Variants in PDE1A observed in about 807,000 individuals in gnomAD.
PDE1A encodes dual specificity calcium/calmodulin-dependent 3',5'-cyclic nucleotide phosphodiesterase 1A.
A neutral mutation model predicts 61.7 loss-of-function variants in PDE1A; 35 were observed. The ratio of observed to expected loss-of-function variants is 0.57; its 90% CI spans 0.43 to 0.75. The LOEUF (loss-of-function observed/expected upper bound fraction) is 0.75. Among genes scored for constraint, PDE1A ranks in the 30% least tolerant of loss-of-function variants. The pLI, the probability that PDE1A is intolerant of heterozygous loss-of-function variation, is 0.00. For synonymous variants in PDE1A, 232 were observed against 213.2 expected, an observed-to-expected ratio of 1.09 and a Z score of -0.77; for missense variants, 597 against 630.6, an observed-to-expected ratio of 0.95 and a Z score of 0.57.
chr2:182,214,588 A>G (rs1405207250), intron 7 of PDE1A, among the ~76,000 whole-genome samples: 5 of 151,472 alleles, frequency 3.3e-5, no homozygotes, highest in Admixed American at 6.6e-5. Context: ...AGCCAATGGA[A>G]AACAAAAAAA....
chr2:182,485,158 A>C (rs762254351), intron 2 of PDE1A, among the ~76,000 whole-genome samples: 1 of 152,192 alleles, frequency 6.6e-6, no homozygotes, highest in African/African-American at 2.4e-5. Context: ...AATGTGGTAC[A>C]TATACACCAT....
At chr2:182,588,378 A>G in the PDE1A span, among the ~76,000 whole-genome samples, 1 of 152,202 alleles carries the variant, frequency 6.6e-6, no homozygotes, top group Non-Finnish European at 1.5e-5. Context: ...AGGTGAACAA[A>G]AAGTTCCTGT....
At chr2:182,508,344 T>C (rs529698321) in intron 2 of PDE1A, among the ~76,000 whole-genome samples, 4 of 151,896 alleles carry the variant, frequency 2.6e-5, no homozygotes, top group African/African-American at 9.7e-5. Flanking sequence ...AGGTGCCCAC[T>C]TTCACCACTT....
At chr2:182,588,131 G>A in the PDE1A span, among the ~76,000 whole-genome samples, 1 of 152,170 alleles carries the variant, frequency 6.6e-6, no homozygotes, top group African/African-American at 2.4e-5. Context: ...CCAAAGCTTT[G>A]TGGAATATGT....
At chr2:182,416,587 T>C (rs557772250) in intron 1 of PDE1A, among the ~76,000 whole-genome samples, 2 of 152,232 alleles carry the variant, frequency 1.3e-5, no homozygotes, top group East Asian at 3.9e-4. Flanking sequence ...ATGTTAACTA[T>C]GGAGAAGTTT....
At chr2:182,516,508 C>T (rs569595788) in intron 2 of PDE1A, among the ~76,000 whole-genome samples, 1 of 151,928 alleles carries the variant, frequency 6.6e-6, no homozygotes, top group African/African-American at 2.4e-5. Context: ...AAAAAATTAG[C>T]CAGGTGTGGT....
At chr2:182,218,024 G>A (rs1327582170) in intron 7 of PDE1A, among the ~76,000 whole-genome samples, 2 of 148,974 alleles carry the variant, frequency 1.3e-5, no homozygotes, top group East Asian at 4.0e-4. Context: ...CAACCCAAAT[G>A]TCCAACAATG....
intron 1 of PDE1A, among the ~76,000 whole-genome samples, chr2:182,411,447 A>G (rs967583256): frequency 6.6e-6 from 1 of 152,170 alleles, no homozygotes; most frequent in Admixed American, 6.5e-5. Flanking sequence ...GTTATTATGA[A>G]TAGTGCCTCT....
At chr2:182,606,942 A>G in the PDE1A span, among the ~76,000 whole-genome samples, 1 of 152,202 alleles carries the variant, frequency 6.6e-6, no homozygotes, top group Non-Finnish European at 1.5e-5. Flanking sequence ...AAGTATTGCC[A>G]GAGAAGAAGG....
intron 1 of PDE1A, among the ~76,000 whole-genome samples, chr2:182,357,669 A>G (rs1324353618): frequency 3.9e-5 from 6 of 152,224 alleles, no homozygotes; most frequent in African/African-American, 1.4e-4. Flanking sequence ...AGCAGGAATA[A>G]TTAACATTAG....
chr2:182,650,889 C>T, the PDE1A span, among the ~76,000 whole-genome samples: 1 of 152,218 alleles, frequency 6.6e-6, no homozygotes, highest in Non-Finnish European at 1.5e-5. Flanking sequence ...GAAGTATTCA[C>T]AATGACTTTT....
the PDE1A span, among the ~76,000 whole-genome samples, chr2:182,540,064 A>G: frequency 7.2e-5 from 11 of 152,184 alleles, no homozygotes; most frequent in Admixed American, 7.2e-4. Flanking sequence ...CAAATCATTT[A>G]TTGAAAGAAG....
intron 2 of PDE1A, among the ~76,000 whole-genome samples, chr2:182,448,893 C>T (rs1026904331): frequency 6.6e-6 from 1 of 151,980 alleles, no homozygotes; most frequent in Admixed American, 6.6e-5. Flanking sequence ...TCTGGGGAAA[C>T]TGAGACCACA....
rs55747252 is a variant in PDE1A at position 182,206,184 on chromosome 2, G to A, written c.777-119C>T. ...AAAACATCCTATAATTGAACAGTGA[G>A]AATTATGGAAGTACTTAGTTTCTTT... On this transcript the variant is annotated intron_variant, in intron 7 of 13. Coordinates refer to ENST00000351439, the Ensembl canonical transcript of PDE1A. The A allele has an allele frequency of 0.32, 197,778 of 625,222 alleles. 33,059 individuals carry two copies. The highest frequency in any genetic ancestry group is 0.34 in the Non-Finnish European group (132,577 of 391,182). The allele number at this position is 625,222 out of a possible 1,614,324, so 38.7% of individuals were successfully genotyped here.
downstream of PDE1A, among the ~76,000 whole-genome samples, chr2:182,146,127 A>G (rs930116705): frequency 3.3e-5 from 5 of 152,162 alleles, no homozygotes; most frequent in African/African-American, 1.2e-4. Flanking sequence ...AACTGCCCAT[A>G]TCTCCGCCAT....
chr2:182,145,839 C>T (rs1208254665), downstream of PDE1A, among the ~76,000 whole-genome samples: 1 of 152,172 alleles, frequency 6.6e-6, no homozygotes, highest in Non-Finnish European at 1.5e-5. Context: ...GAATAAAAGA[C>T]AGTCTAACAA....
the PDE1A span, among the ~76,000 whole-genome samples, chr2:182,558,210 A>T: frequency 6.6e-6 from 1 of 151,184 alleles, no homozygotes; most frequent in Non-Finnish European, 1.5e-5. Context: ...TCTCAAAGAA[A>T]CATTACAACA....
At chr2:182,456,302 A>G (rs191467654) in intron 2 of PDE1A, among the ~76,000 whole-genome samples, 131 of 152,154 alleles carry the variant, frequency 8.6e-4, no homozygotes, top group Non-Finnish European at 1.3e-3. Flanking sequence ...TAGGGGCAGC[A>G]ATACGGATCT....
At chr2:182,516,696 GGAAGGGA>G (rs1690177915) in intron 2 of PDE1A, among the ~76,000 whole-genome samples, 1 of 99,620 alleles carries the variant, frequency 1.0e-5, no homozygotes, top group African/African-American at 4.3e-5. Context: ...AGGGAAGGGA[GGAAGGGA>G]GGAAGGAAGG....
Sources: allele counts gnomAD v4.1 joint callset (sites outside exome capture counted in the v4.1 genomes callset), GRCh38; gene constraint gnomAD v4.1.1; transcripts MANE v1.5; gene names NCBI Gene and HGNC (gene_info 2026-07-23, HGNC 2026-07-21).